The following VPS4A variants were observed in gnomAD, a reference collection of about 807,000 sequenced individuals.
VPS4A encodes the protein vacuolar protein sorting 4 homolog A.
Under a neutral mutation model 52.3 loss-of-function variants are expected in VPS4A, and 20 were observed. The observed-to-expected ratio is 0.38, with a 90% CI of 0.27 to 0.56. VPS4A has a LOEUF of 0.56. Among genes scored for constraint, VPS4A ranks in the 20% least tolerant of loss-of-function variants. VPS4A has a pLI of 0.72. For synonymous variants in VPS4A, 293 were observed against 227.7 expected (o/e 1.29, Z -2.58); for missense variants, 419 against 575.9 (o/e 0.73, Z 2.79).
rs1965500570 is a variant in VPS4A, at chr16:69,320,815, C to T, written c.851+46C>T. On this transcript the variant is annotated intron_variant, in intron 8 of 10. Transcript: ENST00000254950. The surrounding 1 kb of genome is among the most constrained non-coding windows in gnomAD (Gnocchi z 4.2). ...GCCAGGGCTGGAGGCTTCCTCCCACCATGGTCACGGTCCGCCTGCTGCTGG... is the reference window on the plus strand; with the variant it reads ...GCCAGGGCTGGAGGCTTCCTCCCACTATGGTCACGGTCCGCCTGCTGCTGG... The T allele has an allele frequency of 6.4e-7, 1 of 1,553,200 alleles. No homozygotes were observed. Among genetic ancestry groups the T allele is most frequent in the African/African-American group, 1.4e-5 (1 of 73,514 alleles).
Position 69,324,874 on chromosome 16 carries a change from G to T in VPS4A, c.*565G>T, listed in dbSNP as rs912041153. ...CCCTCCTAGGTTCACATCCAGGGCT[G>T]TGTCTTCCTTGGGGGAGGAGATGGT... On this transcript the variant is annotated 3_prime_UTR_variant, in exon 11 of 11. Coordinates refer to ENST00000254950, the MANE Select transcript of VPS4A (RefSeq NM_013245.3). 3.7e-5 allele frequency: 6 copies of T among 160,760 alleles called. No individual in the cohort carries two copies. Among genetic ancestry groups the T allele is most frequent in the Non-Finnish European group, 4.1e-5 (3 of 72,434 alleles). 10.0% of individuals were successfully genotyped at this position (160,760 alleles called of 1,614,324 possible).
chr16:69,315,880 A>T (rs146116997), intron 1 of VPS4A, 128 bp from the exon 2 acceptor site: 2 of 743,298 alleles, frequency 2.7e-6, no homozygotes, highest in Non-Finnish European at 4.4e-6. Context: ...AGGCCAATGA[A>T]ATGGCCCGCA....
intron 3 of VPS4A, among the ~76,000 whole-genome samples, chr16:69,316,751 G>A (rs905045489): frequency 1.3e-5 from 2 of 152,230 alleles, no homozygotes; most frequent in Non-Finnish European, 2.9e-5. Flanking sequence ...GACGTGGGCA[G>A]TGCCCTTGGA....
chr16:69,315,946 G>A (rs1965430758), intron 1 of VPS4A, 62 bp from the exon 2 acceptor site: 1 of 1,448,218 alleles, frequency 6.9e-7, no homozygotes, highest in Admixed American at 1.7e-5. Flanking sequence ...CCCCATGCCT[G>A]TGACCCCAGG....
chr16:69,317,159 C>T (rs896267978), intron 3 of VPS4A, among the ~76,000 whole-genome samples: 1 of 152,148 alleles, frequency 6.6e-6, no homozygotes, highest in African/African-American at 2.4e-5. Context: ...TCTGGCGAGG[C>T]AGGGGTGGAG....
Position 69,321,082 on chromosome 16 carries a change from G to T in VPS4A, c.883G>T (p.Glu295Ter). 1 of 1,594,382 alleles carries T rather than the reference G, an allele frequency of 6.3e-7. No individual in the cohort carries two copies. Among genetic ancestry groups the T allele is most frequent in the East Asian group, 2.3e-5 (1 of 43,776 alleles). The change falls in exon 9 of 11, where the codon GAG becomes TAG. Residue 295 changes from glutamate to a stop codon, truncating the protein, a stop_gained. Coordinates refer to ENST00000254950, the MANE Select transcript of VPS4A (RefSeq NM_013245.3). LOFTEE classifies it high-confidence loss of function. The surrounding 1 kb of genome is among the most constrained non-coding windows in gnomAD (Gnocchi z 4.5). Reference protein sequence around the residue: ...FEKRIYIPLPEEAARAQMFRL... With the variant: ...FEKRIYIPLP ...AAAACGAATTTATATCCCCTTGCCG[G>T]AGGAAGCTGCCCGCGCCCAGATGTT...
At chr16:69,319,715 G>A (rs1258858998) in intron 6 of VPS4A, among the ~76,000 whole-genome samples, 172 bp downstream of exon 6, 8 of 152,238 alleles carry the variant, frequency 5.3e-5, no homozygotes, top group Admixed American at 4.6e-4. Context: ...AAAGACAAGT[G>A]AAGGTGGAAG....
chr16:69,321,010 A>G lies in VPS4A; in HGVS notation c.852-41A>G, dbSNP rs371818412. 4 of 1,537,536 alleles carry G rather than the reference A, an allele frequency of 2.6e-6. No homozygotes were observed. Among genetic ancestry groups the G allele is most frequent in the Non-Finnish European group, 3.5e-6 (4 of 1,133,750 alleles). On this transcript the variant is annotated intron_variant, in intron 8 of 10. Transcript: ENST00000254950. This position sits in a 1 kb window ranked among gnomAD's most constrained non-coding sequence, Gnocchi z 4.5. ...CCTCCCCTTCCGTGAATACCATTCC[A>G]TCATCCGCTGTCAACTCCTGCCGTG...
intron 1 of VPS4A, among the ~76,000 whole-genome samples, chr16:69,313,427 G>A (rs1051202433): frequency 6.6e-6 from 1 of 151,856 alleles, no homozygotes; most frequent in South Asian, 2.1e-4. Flanking sequence ...CCCAGCCCTG[G>A]GCAACCACTG....
chr16:69,317,564 C>T (rs552961515), intron 3 of VPS4A, among the ~76,000 whole-genome samples: 4 of 152,128 alleles, frequency 2.6e-5, no homozygotes, highest in Admixed American at 6.5e-5. Flanking sequence ...GAAGCCGAGG[C>T]GGGCGGATCA....
At position 69,320,132 on chromosome 16, in the gene VPS4A, C is replaced by T. The variant is rs567378601; in HGVS notation, c.621-9C>T. The T allele has an allele frequency of 2.1e-5, 34 of 1,611,268 alleles. No individual in the cohort carries two copies. The East Asian group carries it at 6.5e-4, about 31-fold the overall frequency. On this transcript the variant is annotated splice_polypyrimidine_tract_variant and intron_variant, in intron 6 of 10. Coordinates refer to ENST00000254950, the MANE Select transcript of VPS4A (RefSeq NM_013245.3). The surrounding 1 kb of genome is among the most constrained non-coding windows in gnomAD (Gnocchi z 4.2). ...CGTCTTGTCCTCACCCCCTTTCTCACCTTCACAGGCTGGTCAAGAACCTGT... is the reference window on the plus strand; with the variant it reads ...CGTCTTGTCCTCACCCCCTTTCTCATCTTCACAGGCTGGTCAAGAACCTGT...
rs143123126 is a variant in VPS4A at position 69,314,220 on chromosome 16, G to A, written c.22-1788G>A. ...GACCTCCGGTGATCCGCCCGCCTCC[G>A]CGTCCCAAAGTGCTGGGATTACAGG... On this transcript the variant is annotated intron_variant, in intron 1 of 10. Coordinates refer to ENST00000254950, the MANE Select transcript of VPS4A (RefSeq NM_013245.3). 4.9e-3 allele frequency among the ~76,000 whole-genome samples: 745 copies of A among 152,084 alleles called. 2 individuals are homozygous for A. The highest frequency in any genetic ancestry group is 0.017 in the African/African-American group (712 of 41,490).
intron 3 of VPS4A, 115 bp from the exon 4 acceptor site, chr16:69,318,535 C>T: frequency 2.6e-6 from 3 of 1,168,236 alleles, no homozygotes; most frequent in Non-Finnish European, 3.7e-6. Context: ...CACTGTTAAG[C>T]CAGGAAGGCT....
rs901654462 is a variant in VPS4A, at chr16:69,324,388, A to C, written c.*79A>C. ...AGGCACTCCCCATGTCAACAGCCAG[A>C]CAGGGCTCCAGGGCTTGTCCCAGTC... On this transcript the variant is annotated 3_prime_UTR_variant, in exon 11 of 11. Transcript: ENST00000254950. The C allele has an allele frequency of 7.0e-7, 1 of 1,426,136 alleles. No homozygotes were observed. 88.3% of individuals were successfully genotyped at this position (1,426,136 alleles called of 1,614,324 possible).
rs1463301230 is a variant in VPS4A, at chr16:69,319,391, G to C, written c.468G>C (p.Lys156Asn). The C allele has an allele frequency of 6.2e-7, 1 of 1,613,698 alleles. No individual in the cohort carries two copies. Among genetic ancestry groups the C allele is most frequent in the Non-Finnish European group, 8.5e-7 (1 of 1,179,780 alleles). ...PIKFPHLFTG[K>N]RTPWRGILLF... The stretch of plus-strand genomic sequence containing the variant: ...TTCTGTGGTTCTCTGTTGCAGGCAA[G>C]CGCACCCCCTGGCGGGGGATTCTGC... The change falls in exon 6 of 11, where the codon AAG becomes AAC. Residue 156 changes from lysine (K) to asparagine (N), a missense_variant. This residue lies in a region of VPS4A where 103 missense variants were observed against 210.3 expected (regional missense o/e 0.49). Transcript: ENST00000254950.
chr16:69,326,555 G>C lies in VPS4A; in HGVS notation c.*2246G>C, dbSNP rs1274310427. 2 of 152,178 alleles carry C rather than the reference G, an allele frequency of 1.3e-5. No individual in the cohort carries two copies. Among genetic ancestry groups the C allele is most frequent in the Non-Finnish European group, 2.9e-5 (2 of 68,042 alleles). 9.4% of individuals were successfully genotyped at this position (152,178 alleles called of 1,614,324 possible). On this transcript the variant is annotated 3_prime_UTR_variant, in exon 11 of 11. Coordinates refer to ENST00000254950, the MANE Select transcript of VPS4A (RefSeq NM_013245.3). ...GTTAACAAAGGTTAGCATGGCTATG[G>C]TCCATCCCTGTGCTCTAGTTAGAGC...
intron 3 of VPS4A, among the ~76,000 whole-genome samples, 166 bp downstream of exon 3, chr16:69,316,538 G>A (rs188746062): frequency 6.6e-6 from 1 of 152,278 alleles, no homozygotes; most frequent in Admixed American, 6.5e-5. Flanking sequence ...GCACTTCCAT[G>A]TTCACCGTCT....
At chr16:69,311,668 C>G (rs1400604896) in intron 1 of VPS4A, 136 bp downstream of exon 1, 1 of 907,382 alleles carries the variant, frequency 1.1e-6, no homozygotes, top group Non-Finnish European at 1.4e-6. Flanking sequence ...GCCGCCCCCT[C>G]GCCGCTTCCG....
rs764998898 is a variant in VPS4A, at chr16:69,316,331, C to T, written c.240C>T (p.His80=). The T allele has an allele frequency of 8.1e-6, 13 of 1,613,700 alleles. No homozygotes were observed. Among genetic ancestry groups the T allele is most frequent in the African/African-American group, 1.3e-5 (1 of 74,920 alleles). The part of the protein sequence containing the change: ...LKDYLRSKEK[H]GKKPVKENQS... The stretch of plus-strand genomic sequence containing the variant: ...ATTATTTACGAAGCAAAGAGAAACA[C>T]GGCAAGAAGCCAGTCAAAGAGAACC... The change falls in exon 3 of 11, where the codon CAC becomes CAT. Residue 80 remains histidine (H), a synonymous_variant. Transcript: ENST00000254950.
Sources: gnomAD v4.1 joint callset for allele counts (sites outside exome capture counted in the v4.1 genomes callset) on GRCh38, gnomAD v4.1.1 for gene constraint, gnomAD v4.1.1 regional missense constraint, Gnocchi (gnomAD v3.1) non-coding constraint, MANE v1.5 for transcripts, NCBI Gene and HGNC (gene_info 2026-07-23, HGNC 2026-07-21) for gene names.